Variants in ZNF236 observed in about 807,000 individuals in gnomAD.
ZNF236 encodes regulated by glucose.
ZNF236 carries 50 observed loss-of-function variants against 191.2 expected under a neutral mutation model. That is an observed-to-expected ratio of 0.26 (90% confidence interval 0.21 to 0.33). The LOEUF (loss-of-function observed/expected upper bound fraction) is 0.33, where lower values mean the gene tolerates loss of function less well. Ranked by LOEUF, ZNF236 falls within the 10% of genes least tolerant of loss-of-function variation. ZNF236 has a pLI of 1.00. For synonymous variants in ZNF236, 907 were observed against 928.8 expected (o/e 0.98, Z 0.43); for missense variants, 1,754 against 2,374.5 (o/e 0.74, Z 5.43).
chr18:76,837,121 A>ACCCCCCCCCCCCCCCCCCCCCCCCC (rs1257822007), intron 1 of ZNF236, among the ~76,000 whole-genome samples: 3 of 32,694 alleles, frequency 9.2e-5, no homozygotes, highest in Non-Finnish European at 1.5e-4. Context: ...AGTGATCCGC[A>ACCCCCCCCCCCCCCCCCCCCCCCCC]CCCCCTCCCC....
chr18:76,829,435 C>T (rs1230921213), intron 1 of ZNF236, among the ~76,000 whole-genome samples: 8 of 151,820 alleles, frequency 5.3e-5, no homozygotes, highest in East Asian at 3.9e-4. Context: ...TCAAGCCATC[C>T]TCTCACTTCG....
At chr18:76,900,613 A>G (rs1977561891) in intron 11 of ZNF236, among the ~76,000 whole-genome samples, 1 of 152,230 alleles carries the variant, frequency 6.6e-6, no homozygotes, top group South Asian at 2.1e-4. Flanking sequence ...ACATGAAAAG[A>G]AGGACTCGAA....
intron 1 of ZNF236, chr18:76,834,364 C>T (rs1975257540): frequency 5.7e-6 from 1 of 176,720 alleles, no homozygotes. Flanking sequence ...CCTGCTTCTA[C>T]TTTCCTTAGG....
rs773037435 is a variant in ZNF236 at position 76,960,942 on chromosome 18, A to G, written c.5419+87A>G. 8.9e-4 allele frequency: 1,269 copies of G among 1,422,082 alleles called. 21 individuals carry two copies. The highest frequency in any genetic ancestry group is 2.5e-4 in the Middle Eastern group (1 of 4,070). The allele number at this position is 1,422,082 out of a possible 1,614,324, so 88.1% of individuals were successfully genotyped here. A position where few individuals can be genotyped will look rare whatever the true frequency, so the allele number is the denominator to read the frequency against. On this transcript the variant is annotated intron_variant, in intron 30 of 30. Transcript: ENST00000320610. This position sits in a 1 kb window ranked among gnomAD's most constrained non-coding sequence, Gnocchi z 4.4. ...GCATACATTGTTTCCTTTAGTTCAC[A>G]CAGTGATTTTGCATTGCACGTGGTA... is the stretch of plus-strand genomic sequence containing the variant.
intron 6 of ZNF236, among the ~76,000 whole-genome samples, chr18:76,876,839 G>A (rs779947928): frequency 5.9e-5 from 9 of 152,134 alleles, no homozygotes; most frequent in Non-Finnish European, 1.3e-4. Flanking sequence ...TGAGGTACTT[G>A]TCAGTACTCC....
At chr18:76,864,903 G>T (rs763503466) in intron 3 of ZNF236, among the ~76,000 whole-genome samples, 14 of 151,928 alleles carry the variant, frequency 9.2e-5, no homozygotes, top group Non-Finnish European at 2.9e-5. Context: ...AAATCAAAAT[G>T]AATTCTAAGA....
intron 10 of ZNF236, among the ~76,000 whole-genome samples, chr18:76,895,958 A>G (rs1226347619): frequency 6.6e-6 from 1 of 151,758 alleles, no homozygotes; most frequent in African/African-American, 2.4e-5. Context: ...TACCACACAC[A>G]AGTATGGCCC....
Position 76,941,130 on chromosome 18 carries a change from T to C in ZNF236, c.4782+3787T>C, listed in dbSNP as rs188476152. On this transcript the variant is annotated intron_variant, in intron 26 of 30. Coordinates refer to ENST00000320610, the MANE Select transcript of ZNF236 (RefSeq NM_001306089.2). Reference sequence around the variant, plus strand: ...TCCTGGTTCCAAAAAGGGTGGGGACTGCTGGTGTAGTGCACAAGGGTCACC... The same window carrying C: ...TCCTGGTTCCAAAAAGGGTGGGGACCGCTGGTGTAGTGCACAAGGGTCACC... 3.5e-3 allele frequency among the ~76,000 whole-genome samples: 533 copies of C among 152,324 alleles called. 4 individuals carry two copies. Among genetic ancestry groups the C allele is most frequent in the Non-Finnish European group, 5.7e-3 (385 of 68,028 alleles).
intron 1 of ZNF236, among the ~76,000 whole-genome samples, chr18:76,848,161 G>A (rs1403106290): frequency 6.6e-6 from 1 of 152,158 alleles, no homozygotes; most frequent in Non-Finnish European, 1.5e-5. Context: ...GCAGAAATGG[G>A]AACTGCAGGC....
intron 1 of ZNF236, among the ~76,000 whole-genome samples, chr18:76,838,435 C>T (rs1199766389): frequency 1.3e-5 from 2 of 152,092 alleles, no homozygotes; most frequent in African/African-American, 2.4e-5. Context: ...TGTGGAAAGT[C>T]GTGGAAATTT....
intron 27 of ZNF236, among the ~76,000 whole-genome samples, chr18:76,949,865 C>T (rs1968359970): frequency 6.6e-6 from 1 of 151,940 alleles, no homozygotes; most frequent in South Asian, 2.1e-4. Flanking sequence ...TGCCATGTTG[C>T]CAGGCTGGTC....
At chr18:76,899,497 T>C (rs1977529301) in intron 11 of ZNF236, among the ~76,000 whole-genome samples, 1 of 152,252 alleles carries the variant, frequency 6.6e-6, no homozygotes, top group Non-Finnish European at 1.5e-5. Context: ...AAGTCCTCAT[T>C]GAAGAAACAT....
chr18:76,971,869 A>G lies in ZNF236; in HGVS notation c.*3530A>G, dbSNP rs1384783602. On this transcript the variant is annotated 3_prime_UTR_variant, in exon 31 of 31. Transcript: ENST00000320610. The stretch of plus-strand genomic sequence containing the variant: ...CTGCTTTCTAGTGTATATTAAGGCT[A>G]TCTCATGCCTGCTTCTTACATTTTT... 6.6e-6 allele frequency among the ~76,000 whole-genome samples: 1 copy of G among 152,260 alleles called. No individual in the cohort carries two copies. The highest frequency in any genetic ancestry group is 1.5e-5 in the Non-Finnish European group (1 of 68,044).
chr18:76,852,207 C>G (rs1599331736), intron 3 of ZNF236, among the ~76,000 whole-genome samples: 1 of 152,192 alleles, frequency 6.6e-6, no homozygotes, highest in Non-Finnish European at 1.5e-5. Context: ...AGAGGCTCCT[C>G]CTGGCGCCTC....
Position 76,894,555 on chromosome 18 carries a change from G to C in ZNF236, c.1418-458G>C, listed in dbSNP as rs562645413. Among the ~76,000 whole-genome samples, 13 of 152,128 alleles carry C rather than the reference G, an allele frequency of 8.5e-5. 1 individual carries two copies. The South Asian group carries it at 2.5e-3, about 29-fold the overall frequency. On this transcript the variant is annotated intron_variant, in intron 9 of 30. Coordinates refer to ENST00000320610, the MANE Select transcript of ZNF236 (RefSeq NM_001306089.2). ...TTGATATATACTATTTGTCTTAACT[G>C]TTTACCAATTTCCTTTTATAGCATA...
chr18:76,945,221 G>A lies in ZNF236; in HGVS notation c.4783-2300G>A, dbSNP rs539007301. On this transcript the variant is annotated intron_variant, in intron 26 of 30. Transcript: ENST00000320610. The stretch of plus-strand genomic sequence containing the variant: ...CTCAAATATCTTACCTTTAGTTTGG[G>A]AATATATTAATTTATTGAGCCAATT... Among the ~76,000 whole-genome samples the A allele has an allele frequency of 4.6e-5, 7 of 152,186 alleles. No individual in the cohort carries two copies. In the South Asian group the frequency reaches 6.2e-4, roughly 14 times the overall value.
intron 15 of ZNF236, 67 bp from the exon 16 acceptor site, chr18:76,910,593 T>C: frequency 6.7e-7 from 1 of 1,497,600 alleles, no homozygotes; most frequent in Non-Finnish European, 9.1e-7. Context: ...TTTATAAACC[T>C]TTTCTTAGAA....
chr18:76,860,258 G>C (rs1046472370), intron 3 of ZNF236, among the ~76,000 whole-genome samples: 18 of 152,226 alleles, frequency 1.2e-4, no homozygotes, highest in African/African-American at 4.1e-4. Flanking sequence ...GTTCTGGGTG[G>C]CCCAACCCGA....
chr18:76,904,731 T>C (rs917639694), intron 12 of ZNF236, among the ~76,000 whole-genome samples: 2 of 152,230 alleles, frequency 1.3e-5, no homozygotes, highest in Non-Finnish European at 2.9e-5. Flanking sequence ...GGAGTTTATG[T>C]ATATGCTCAT....
Sources: allele counts gnomAD v4.1 joint callset (sites outside exome capture counted in the v4.1 genomes callset), GRCh38; gene constraint gnomAD v4.1.1; non-coding constraint Gnocchi (gnomAD v3.1); transcripts MANE v1.5; gene names NCBI Gene and HGNC (gene_info 2026-07-23, HGNC 2026-07-21).